The following CTNNA3 variants were observed in gnomAD, a reference collection of about 807,000 sequenced individuals.
CTNNA3 encodes the protein catenin alpha 3.
CTNNA3 carries 76 observed loss-of-function variants against 95.7 expected under a neutral mutation model. The observed-to-expected ratio is 0.79, with a 90% confidence interval of 0.66 to 0.96. CTNNA3 has a LOEUF of 0.96. CTNNA3 is among the 40% of genes least tolerant of loss of function. The probability of loss-of-function intolerance (pLI) is 0.00; values close to 1 mark genes in which losing one functional copy is unlikely to be tolerated. For missense variants in CTNNA3, 1,191 were observed against 1,089.8 expected (o/e 1.09, Z -1.31); for synonymous variants, 431 against 374.4 (o/e 1.15, Z -1.74).
At chr10:66,244,038 C>T (rs989105264) in intron 13 of CTNNA3, among the ~76,000 whole-genome samples, 2 of 151,836 alleles carry the variant, frequency 1.3e-5, no homozygotes, top group African/African-American at 4.8e-5. Context: ...GGGTGAGTCC[C>T]AGACCTTGTA....
intron 7 of CTNNA3, chr10:67,015,130 G>T (rs1318207999): frequency 1.3e-5 from 2 of 152,226 alleles, no homozygotes; most frequent in African/African-American, 4.8e-5. Flanking sequence ...CCCATGCTAT[G>T]TAGTTAGGGA....
At chr10:67,643,321 G>C (rs932420829) in intron 2 of CTNNA3, among the ~76,000 whole-genome samples, 2 of 151,958 alleles carry the variant, frequency 1.3e-5, no homozygotes, top group African/African-American at 4.8e-5. Flanking sequence ...GTCAGCAGGG[G>C]TGGGAGGAGG....
chr10:66,539,675 T>A (rs1004898290), intron 10 of CTNNA3, among the ~76,000 whole-genome samples: 5 of 152,124 alleles, frequency 3.3e-5, no homozygotes. Context: ...TAGTGACAGC[T>A]ATTCATTTGG....
At chr10:67,688,314 G>T (rs1259754896) in intron 1 of CTNNA3, among the ~76,000 whole-genome samples, 1 of 152,048 alleles carries the variant, frequency 6.6e-6, no homozygotes, top group Non-Finnish European at 1.5e-5. Flanking sequence ...TTCTTTGTTT[G>T]TTTCCTTCTG....
chr10:66,237,860 G>C (rs2089930306), intron 13 of CTNNA3, among the ~76,000 whole-genome samples: 1 of 151,918 alleles, frequency 6.6e-6, no homozygotes. Context: ...GGTACAGTGG[G>C]TTTATCATTT....
chr10:66,277,873 G>C (rs762912104), intron 13 of CTNNA3, among the ~76,000 whole-genome samples: 2 of 151,936 alleles, frequency 1.3e-5, no homozygotes, highest in Non-Finnish European at 2.9e-5. Context: ...CATGTACTTA[G>C]AGACATGTTC....
chr10:66,777,446 G>A (rs1840347738), intron 7 of CTNNA3, among the ~76,000 whole-genome samples: 1 of 151,730 alleles, frequency 6.6e-6, no homozygotes, highest in Non-Finnish European at 1.5e-5. Context: ...TTATTTCTAT[G>A]AGCACTAATA....
At chr10:67,487,664 C>T (rs1033299956) in intron 5 of CTNNA3, among the ~76,000 whole-genome samples, 5 of 152,164 alleles carry the variant, frequency 3.3e-5, no homozygotes, top group African/African-American at 4.8e-5. Context: ...AACCTGTATC[C>T]TTGGGAACAC....
intron 12 of CTNNA3, among the ~76,000 whole-genome samples, chr10:66,289,456 C>A (rs896979122): frequency 4.6e-5 from 7 of 151,524 alleles, no homozygotes; most frequent in African/African-American, 1.7e-4. Context: ...CTTCGGGGAG[C>A]CCAAATTAAT....
intron 7 of CTNNA3, among the ~76,000 whole-genome samples, chr10:66,970,430 G>A (rs1849652473): frequency 6.8e-6 from 1 of 146,008 alleles, no homozygotes; most frequent in Admixed American, 7.2e-5. Context: ...GACAGTCATG[G>A]TAATATTACA....
rs33943741 is a variant in CTNNA3 at position 66,318,276 on chromosome 10, A to ATATATATG, written c.1733-37656_1733-37655insCATATATA. 9.6e-3 allele frequency among the ~76,000 whole-genome samples: 1,309 copies of ATATATATG among 136,634 alleles called. 24 individuals carry two copies. Among genetic ancestry groups the ATATATATG allele is most frequent in the African/African-American group, 0.031 (1,146 of 37,014 alleles). 89.6% of individuals were successfully genotyped at this position (136,634 alleles called of 152,430 possible). Reference sequence around the variant, plus strand: ...GTTGCTGGGAGATATATATATATATATGTGTGTGTGTGTGTGTGTGTGTGT... The same window carrying ATATATATG: ...GTTGCTGGGAGATATATATATATATATATATATGTGTGTGTGTGTGTGTGTGTGTGTGT... On this transcript the variant is annotated intron_variant, in intron 12 of 17. Transcript: ENST00000433211.
intron 5 of CTNNA3, among the ~76,000 whole-genome samples, chr10:67,430,459 G>A (rs1846072164): frequency 6.6e-6 from 1 of 151,846 alleles, no homozygotes; most frequent in South Asian, 2.1e-4. Context: ...TTATTATTGT[G>A]ATTAGGAACT....
chr10:66,421,545 A>AT (rs1401736870), intron 11 of CTNNA3, among the ~76,000 whole-genome samples: 4 of 152,078 alleles, frequency 2.6e-5, no homozygotes, highest in African/African-American at 9.7e-5. Flanking sequence ...TTATGTATCC[A>AT]TAAAAAGTGA....
At chr10:66,467,569 C>T (rs938049438) in intron 11 of CTNNA3, among the ~76,000 whole-genome samples, 2 of 151,894 alleles carry the variant, frequency 1.3e-5, no homozygotes, top group African/African-American at 4.8e-5. Context: ...AGAGAGGAGA[C>T]CATGCCCAGG....
At chr10:67,275,576 G>A (rs1293217604) in intron 5 of CTNNA3, among the ~76,000 whole-genome samples, 1 of 151,748 alleles carries the variant, frequency 6.6e-6, no homozygotes, top group East Asian at 1.9e-4. Context: ...AAAGAAAGAA[G>A]AAAATGATAA....
intron 7 of CTNNA3, among the ~76,000 whole-genome samples, chr10:66,965,229 G>T (rs938170869): frequency 6.6e-6 from 1 of 151,070 alleles, no homozygotes; most frequent in African/African-American, 2.4e-5. Flanking sequence ...GGGTTTTTTT[G>T]GGGTTTTTTT....
chr10:67,712,799 A>G (rs930353165), intron 1 of CTNNA3, among the ~76,000 whole-genome samples: 2 of 152,212 alleles, frequency 1.3e-5, no homozygotes, highest in African/African-American at 4.8e-5. Context: ...TGGATTAAAG[A>G]CTTAAATGTA....
chr10:66,341,557 T>C (rs1473829840), intron 12 of CTNNA3, among the ~76,000 whole-genome samples: 1 of 151,948 alleles, frequency 6.6e-6, no homozygotes, highest in Non-Finnish European at 1.5e-5. Context: ...TAGTTATTAT[T>C]AAAGTTGGCA....
intron 15 of CTNNA3, among the ~76,000 whole-genome samples, chr10:66,055,099 G>A (rs1388621146): frequency 6.6e-6 from 1 of 152,118 alleles, no homozygotes; most frequent in Non-Finnish European, 1.5e-5. Context: ...TTTTATGCCA[G>A]TATCATGCTG....
Sources: gnomAD v4.1 joint callset for allele counts (sites outside exome capture counted in the v4.1 genomes callset) on GRCh38, gnomAD v4.1.1 for gene constraint, MANE v1.5 for transcripts, NCBI Gene and HGNC (gene_info 2026-07-23, HGNC 2026-07-21) for gene names.